Variants in HMGCLL1 observed in about 807,000 individuals in gnomAD.
The protein encoded by HMGCLL1 is 3-hydroxy-3-methylglutaryl-CoA lyase like 1.
HMGCLL1 carries 36 observed loss-of-function variants against 39.1 expected under a neutral mutation model. The observed-to-expected ratio is 0.92, with a 90% CI of 0.71 to 1.22. The LOEUF is 1.22. Among genes scored for constraint, HMGCLL1 ranks in the 50% most tolerant of loss-of-function variants. HMGCLL1 has a pLI of 0.00. For missense variants in HMGCLL1, 451 were observed against 416.5 expected (o/e 1.08, Z -0.72); for synonymous variants, 149 against 144.0 (o/e 1.03, Z -0.25).
At chr6:55,535,302 T>C (rs1768949768) in intron 3 of HMGCLL1, among the ~76,000 whole-genome samples, 1 of 152,222 alleles carries the variant, frequency 6.6e-6, no homozygotes, top group South Asian at 2.1e-4. Flanking sequence ...GCAACACTAG[T>C]GTGCATACCT....
the HMGCLL1 span, among the ~76,000 whole-genome samples, chr6:55,603,866 G>A: frequency 6.6e-6 from 1 of 152,058 alleles, no homozygotes; most frequent in Non-Finnish European, 1.5e-5. Context: ...CTTATGAGGG[G>A]CAAACTAAAA....
chr6:55,454,071 A>G (rs570215201), intron 7 of HMGCLL1, among the ~76,000 whole-genome samples: 1 of 152,244 alleles, frequency 6.6e-6, no homozygotes, highest in Non-Finnish European at 1.5e-5. Flanking sequence ...TTCATTAAAT[A>G]ACTTTTTTTC....
chr6:55,662,771 T>C, the HMGCLL1 span, among the ~76,000 whole-genome samples: 17 of 152,002 alleles, frequency 1.1e-4, no homozygotes, highest in African/African-American at 3.9e-4. Context: ...CAGCTTTTCT[T>C]TGTACATCTG....
intron 7 of HMGCLL1, among the ~76,000 whole-genome samples, chr6:55,470,059 T>C (rs1168229293): frequency 1.3e-5 from 2 of 151,884 alleles, no homozygotes; most frequent in Non-Finnish European, 2.9e-5. Context: ...ACCCTGGGGT[T>C]GTTTTATCAG....
intron 3 of HMGCLL1, among the ~76,000 whole-genome samples, chr6:55,523,573 T>C (rs1007007735): frequency 6.6e-6 from 1 of 152,034 alleles, no homozygotes; most frequent in Middle Eastern, 3.4e-3. Context: ...ACTCTGCCAA[T>C]TGGGAGAGCT....
Position 55,571,304 on chromosome 6 carries a change from T to C in HMGCLL1, c.108+7644A>G, listed in dbSNP as rs142994289. Among the ~76,000 whole-genome samples, 6 of 152,342 alleles carry C rather than the reference T, an allele frequency of 3.9e-5. No individual in the cohort carries two copies. In the East Asian group the frequency reaches 1.2e-3, roughly 29 times the overall value. Reference sequence around the variant, plus strand: ...AGAATGGTAATATGCCTGGTACATGTTATTTGAAGAATCATGGTGTAACAA... The same window carrying C: ...AGAATGGTAATATGCCTGGTACATGCTATTTGAAGAATCATGGTGTAACAA... On this transcript the variant is annotated intron_variant, in intron 1 of 8. Coordinates refer to ENST00000274901, the MANE Select transcript of HMGCLL1 (RefSeq NM_001042406.2).
In HMGCLL1 at chr6:55,447,239, C is replaced by T. The variant is rs75161067; in HGVS notation, c.796-7680G>A. On this transcript the variant is annotated intron_variant, in intron 7 of 8. Coordinates refer to ENST00000274901, the MANE Select transcript of HMGCLL1 (RefSeq NM_001042406.2). ...CTGTACCACCTGAGAGAGAACCCTA[C>T]TTGCCATTGATGTGTATTGTGAACA... Among the ~76,000 whole-genome samples, 1,488 of 152,048 alleles carry T rather than the reference C, an allele frequency of 9.8e-3. 69 individuals carry two copies. In the East Asian group the frequency reaches 0.13, roughly 14 times the overall value.
chr6:55,665,850 C>A, the HMGCLL1 span, among the ~76,000 whole-genome samples: 2 of 151,572 alleles, frequency 1.3e-5, no homozygotes, highest in African/African-American at 2.4e-5. Flanking sequence ...TTCATTGAAA[C>A]GTTTATTTTT....
chr6:55,502,979 A>G lies in HMGCLL1; in HGVS notation c.543-3680T>C, dbSNP rs946828728. Among the ~76,000 whole-genome samples the G allele has an allele frequency of 1.3e-3, 8 of 5,998 alleles. No individual in the cohort carries two copies. The Non-Finnish European group carries it at 0.025, about 19-fold the overall frequency. 3.9% of individuals were successfully genotyped at this position (5,998 alleles called of 152,430 possible). A position where few individuals can be genotyped will look rare whatever the true frequency, so the allele number is the denominator to read the frequency against. ...GTTCTGTTACCTTCTGTTCTGCTAAAGTTTTTTTCGTTGTCTCCTGTGTTT... is the reference window on the plus strand; with the variant it reads ...GTTCTGTTACCTTCTGTTCTGCTAAGGTTTTTTTCGTTGTCTCCTGTGTTT... On this transcript the variant is annotated intron_variant, in intron 5 of 8. Transcript: ENST00000274901.
chr6:55,596,511 G>T, the HMGCLL1 span, among the ~76,000 whole-genome samples: 1 of 151,112 alleles, frequency 6.6e-6, no homozygotes, highest in Admixed American at 6.6e-5. Flanking sequence ...ATTACATGAT[G>T]TAAAAGATTT....
the HMGCLL1 span, among the ~76,000 whole-genome samples, chr6:55,634,043 A>T: frequency 1.3e-5 from 2 of 152,074 alleles, no homozygotes; most frequent in African/African-American, 2.4e-5. Context: ...CTATAATTTG[A>T]CATCACTTTT....
intron 7 of HMGCLL1, among the ~76,000 whole-genome samples, chr6:55,465,391 C>T (rs1373625015): frequency 6.6e-6 from 1 of 151,964 alleles, no homozygotes; most frequent in Non-Finnish European, 1.5e-5. Flanking sequence ...AAAGAGAATA[C>T]ATATTATAGA....
chr6:55,495,742 T>C (rs1766542937), intron 6 of HMGCLL1, 135 bp from the exon 7 acceptor site: 1 of 528,394 alleles, frequency 1.9e-6, no homozygotes, highest in Non-Finnish European at 3.2e-6. Context: ...ATATAATGTA[T>C]TTTCTGGTCC....
chr6:55,510,934 A>C (rs576221780), intron 5 of HMGCLL1, among the ~76,000 whole-genome samples: 4 of 151,782 alleles, frequency 2.6e-5, no homozygotes, highest in Non-Finnish European at 4.4e-5. Flanking sequence ...ACAAAGAGTG[A>C]GCATGTGATT....
chr6:55,627,274 T>C, the HMGCLL1 span, among the ~76,000 whole-genome samples: 1 of 152,090 alleles, frequency 6.6e-6, no homozygotes, highest in African/African-American at 2.4e-5. Flanking sequence ...TCCATTTTAT[T>C]TCTTTTTTCC....
At chr6:55,578,893 G>T in intron 1 of HMGCLL1, 55 bp downstream of exon 1, 1 of 1,310,210 alleles carries the variant, frequency 7.6e-7, no homozygotes, top group Non-Finnish European at 1.1e-6. Context: ...AGGGAGAGAG[G>T]CTGGCTGTCA....
chr6:55,463,307 C>T (rs1764665008), intron 7 of HMGCLL1, among the ~76,000 whole-genome samples: 1 of 152,068 alleles, frequency 6.6e-6, no homozygotes, highest in Non-Finnish European at 1.5e-5. Flanking sequence ...CATGGCATTA[C>T]AGGAGTGAGC....
chr6:55,543,178 T>C (rs1469226063), intron 1 of HMGCLL1, among the ~76,000 whole-genome samples: 1 of 9,138 alleles, frequency 1.1e-4, no homozygotes, highest in Non-Finnish European at 2.4e-4. Flanking sequence ...ATATATAATA[T>C]ATAATATATA....
At chr6:55,489,338 A>G (rs1766199122) in intron 7 of HMGCLL1, among the ~76,000 whole-genome samples, 1 of 152,010 alleles carries the variant, frequency 6.6e-6, no homozygotes, top group Non-Finnish European at 1.5e-5. Flanking sequence ...TAATAAGATG[A>G]GACATTTACA....
Sources: gnomAD v4.1 joint callset for allele counts (sites outside exome capture counted in the v4.1 genomes callset) on GRCh38, gnomAD v4.1.1 for gene constraint, MANE v1.5 for transcripts, NCBI Gene and HGNC (gene_info 2026-07-23, HGNC 2026-07-21) for gene names.